PDSS2: variants seen among roughly 807,000 people sequenced by gnomAD.
PDSS2 encodes decaprenyl diphosphate synthase subunit 2.
In PDSS2, 31 loss-of-function variants were observed where a neutral mutation model predicts 44.5. The observed-to-expected ratio is 0.70, with a 90% CI of 0.52 to 0.94. PDSS2 has a LOEUF of 0.94. Among genes scored for constraint, PDSS2 ranks in the 40% least tolerant of loss-of-function variants. The pLI is 0.00. For synonymous variants in PDSS2, 157 were observed against 180.3 expected, an observed-to-expected ratio of 0.87 and a Z score of 1.03; for missense variants, 452 against 482.2, an observed-to-expected ratio of 0.94 and a Z score of 0.59.
At chr6:107,312,327 A>G (rs1023477168) in intron 2 of PDSS2, among the ~76,000 whole-genome samples, 1 of 152,128 alleles carries the variant, frequency 6.6e-6, no homozygotes, top group African/African-American at 2.4e-5. Context: ...TTGTAGGTGG[A>G]CCAGGCCTCT....
intron 2 of PDSS2, among the ~76,000 whole-genome samples, chr6:107,310,339 T>C (rs1364233965): frequency 6.8e-6 from 1 of 147,436 alleles, no homozygotes; most frequent in Non-Finnish European, 1.5e-5. Context: ...AGACTCCCTC[T>C]CCCTGAGAAT....
intron 7 of PDSS2, among the ~76,000 whole-genome samples, chr6:107,187,445 A>G (rs912854885): frequency 1.3e-5 from 2 of 152,104 alleles, no homozygotes; most frequent in Admixed American, 1.3e-4. Flanking sequence ...TGGGCAGATC[A>G]CCTGAGGTCG....
chr6:107,353,489 T>C (rs1778495973), intron 1 of PDSS2, among the ~76,000 whole-genome samples: 1 of 152,152 alleles, frequency 6.6e-6, no homozygotes, highest in African/African-American at 2.4e-5. Context: ...TATTAGCTAA[T>C]ATGACAGCAA....
chr6:107,417,207 C>A (rs1196947435), intron 1 of PDSS2, among the ~76,000 whole-genome samples: 1 of 151,982 alleles, frequency 6.6e-6, no homozygotes, highest in Admixed American at 6.6e-5. Flanking sequence ...CAAAGATAAA[C>A]AAATAAATAG....
At chr6:107,368,365 T>C (rs1004960393) in intron 1 of PDSS2, among the ~76,000 whole-genome samples, 1 of 151,270 alleles carries the variant, frequency 6.6e-6, no homozygotes, top group African/African-American at 2.4e-5. Flanking sequence ...TGCTCAGGAA[T>C]AAACTTAAAA....
chr6:107,160,053 T>C (rs1256039052), intron 7 of PDSS2, among the ~76,000 whole-genome samples: 2 of 151,886 alleles, frequency 1.3e-5, no homozygotes, highest in Non-Finnish European at 2.9e-5. Context: ...CCATCTCTAC[T>C]AAAAATACAA....
At chr6:107,169,249 CT>C (rs1362250055) in intron 7 of PDSS2, among the ~76,000 whole-genome samples, 1 of 152,124 alleles carries the variant, frequency 6.6e-6, no homozygotes, top group African/African-American at 2.4e-5. Flanking sequence ...ACTTGATACC[CT>C]TTCTTCCACT....
At chr6:107,411,838 T>A (rs1439164675) in intron 1 of PDSS2, among the ~76,000 whole-genome samples, 1 of 150,706 alleles carries the variant, frequency 6.6e-6, no homozygotes, top group East Asian at 1.9e-4. Flanking sequence ...CTAGAACCAA[T>A]CCCTCACTGA....
At chr6:107,225,575 G>C (rs972510099) in intron 4 of PDSS2, among the ~76,000 whole-genome samples, 4 of 152,094 alleles carry the variant, frequency 2.6e-5, no homozygotes, top group Non-Finnish European at 4.4e-5. Context: ...GTACAAGGAG[G>C]TGGGGCTAAT....
chr6:107,178,819 G>A (rs905142916), intron 7 of PDSS2, among the ~76,000 whole-genome samples: 4 of 152,066 alleles, frequency 2.6e-5, no homozygotes, highest in Non-Finnish European at 4.4e-5. Context: ...ACAGGAGTTC[G>A]AGGCCAGCCT....
At chr6:107,288,753 GTTTTTTTTTTTTTT>G (rs35762837) in intron 2 of PDSS2, among the ~76,000 whole-genome samples, 1 of 72,742 alleles carries the variant, frequency 1.4e-5, no homozygotes, top group Admixed American at 1.8e-4. Context: ...GGACGAAATT[GTTTTTTTTTTTTTT>G]TTTTTTTTTT....
intron 1 of PDSS2, among the ~76,000 whole-genome samples, chr6:107,344,844 A>G (rs1349726818): frequency 2.6e-5 from 4 of 152,188 alleles, no homozygotes; most frequent in African/African-American, 7.2e-5. Flanking sequence ...AATTAAATAT[A>G]CCACTGGAAA....
intron 3 of PDSS2, among the ~76,000 whole-genome samples, chr6:107,259,592 T>C (rs895518533): frequency 1.3e-5 from 2 of 151,996 alleles, no homozygotes; most frequent in African/African-American, 2.4e-5. Flanking sequence ...GAAGAATCTC[T>C]TGAACCCAGG....
intron 1 of PDSS2, among the ~76,000 whole-genome samples, chr6:107,455,084 T>C (rs916365434): frequency 6.6e-6 from 1 of 151,906 alleles, no homozygotes; most frequent in Non-Finnish European, 1.5e-5. Flanking sequence ...CAGCAACACA[T>C]ACATGCTAGG....
intron 1 of PDSS2, among the ~76,000 whole-genome samples, chr6:107,438,760 G>A (rs1781430596): frequency 6.6e-6 from 1 of 152,146 alleles, no homozygotes; most frequent in Non-Finnish European, 1.5e-5. Flanking sequence ...ATTACATACT[G>A]GCTTTGAGCT....
chr6:107,292,578 G>A (rs1582901994), intron 2 of PDSS2, among the ~76,000 whole-genome samples: 1 of 152,174 alleles, frequency 6.6e-6, no homozygotes, highest in Non-Finnish European at 1.5e-5. Flanking sequence ...GTCTCTTTAT[G>A]CATGAACATA....
chr6:107,456,592 C>T lies in PDSS2; in HGVS notation c.296+2398G>A, dbSNP rs985466969. Among the ~76,000 whole-genome samples the T allele has an allele frequency of 2.6e-5, 4 of 152,150 alleles. No individual in the cohort carries two copies. The East Asian group carries it at 7.7e-4, about 29-fold the overall frequency. On this transcript the variant is annotated intron_variant, in intron 1 of 7. Transcript: ENST00000369037. ...TTATTTTGAGACAGGGTCTCTTGCCCAGACAGGTGTGCAGTGGCACAATCA... is the reference window on the plus strand; with the variant it reads ...TTATTTTGAGACAGGGTCTCTTGCCTAGACAGGTGTGCAGTGGCACAATCA...
intron 6 of PDSS2, among the ~76,000 whole-genome samples, chr6:107,201,294 G>A (rs1772761075): frequency 6.8e-6 from 1 of 147,900 alleles, no homozygotes; most frequent in Non-Finnish European, 1.5e-5. Flanking sequence ...TTTTAAAAAT[G>A]TGAAAATAGA....
At chr6:107,253,996 T>A (rs560965274) in intron 3 of PDSS2, among the ~76,000 whole-genome samples, 33 of 152,012 alleles carry the variant, frequency 2.2e-4, no homozygotes, top group African/African-American at 8.0e-4. Flanking sequence ...AGATCCCATC[T>A]CTATGAAGCA....
Sources: allele counts gnomAD v4.1 joint callset (sites outside exome capture counted in the v4.1 genomes callset), GRCh38; gene constraint gnomAD v4.1.1; transcripts MANE v1.5; gene names NCBI Gene and HGNC (gene_info 2026-07-23, HGNC 2026-07-21).